The following ABCA13 variants were observed in gnomAD, a reference collection of about 807,000 sequenced individuals.
ABCA13 encodes the protein ATP-binding cassette sub-family A member 13.
A neutral mutation model predicts 478.7 loss-of-function variants in ABCA13; 476 were observed. The observed-to-expected ratio is 0.99, with a 90% CI of 0.92 to 1.07. ABCA13 has a LOEUF of 1.07. ABCA13 is among the 50% of genes least tolerant of loss of function. The pLI, the probability that ABCA13 is intolerant of heterozygous loss-of-function variation, is 0.00. For missense variants in ABCA13, 6,060 were observed against 5,910.6 expected, an observed-to-expected ratio of 1.03 and a Z score of -0.83; for synonymous variants, 2,252 against 2,158.9, an observed-to-expected ratio of 1.04 and a Z score of -1.20.
rs371603846 is a variant in ABCA13, at chr7:48,377,745, A to G, written c.11335+1173A>G. Among the ~76,000 whole-genome samples the G allele has an allele frequency of 7.2e-5, 11 of 152,368 alleles. No individual in the cohort carries two copies. The South Asian group carries it at 2.3e-3, about 32-fold the overall frequency. Reference sequence around the variant, plus strand: ...AAGAAAATAAAACTTAAGAAATAAGATTCTAGGAAATAAAGGATAAAACAA... The same window carrying G: ...AAGAAAATAAAACTTAAGAAATAAGGTTCTAGGAAATAAAGGATAAAACAA... On this transcript the variant is annotated intron_variant, in intron 35 of 61. Transcript: ENST00000435803.
chr7:48,557,735 T>C (rs187742319), intron 55 of ABCA13, among the ~76,000 whole-genome samples: 2 of 152,302 alleles, frequency 1.3e-5, no homozygotes, highest in Admixed American at 1.3e-4. Context: ...TAATCACGGT[T>C]TTTGACATTA....
At chr7:48,560,867 C>T (rs895154505) in intron 55 of ABCA13, among the ~76,000 whole-genome samples, 2 of 152,062 alleles carry the variant, frequency 1.3e-5, no homozygotes, top group African/African-American at 2.4e-5. Context: ...TTCTCTTCAC[C>T]ATTCAGTCTT....
intron 59 of ABCA13, among the ~76,000 whole-genome samples, chr7:48,631,162 T>C (rs1794130110): frequency 1.3e-5 from 2 of 152,230 alleles, no homozygotes; most frequent in South Asian, 4.1e-4. Flanking sequence ...TTCAGTTTAC[T>C]TAGGTCTCAC....
intron 27 of ABCA13, among the ~76,000 whole-genome samples, chr7:48,323,432 G>A (rs565932489): frequency 7.9e-5 from 12 of 152,332 alleles, no homozygotes; most frequent in African/African-American, 2.9e-4. Context: ...CCCTCTGCCC[G>A]CTGCCAGAGC....
intron 29 of ABCA13, among the ~76,000 whole-genome samples, chr7:48,350,264 C>T (rs1297557530): frequency 6.6e-6 from 1 of 151,862 alleles, no homozygotes; most frequent in Non-Finnish European, 1.5e-5. Context: ...TTGCTTGACT[C>T]CAGGTTGGAA....
rs146066586 is a variant in ABCA13 at position 48,451,805 on chromosome 7, G to A, written c.12566-3232G>A. Among the ~76,000 whole-genome samples the A allele has an allele frequency of 3.3e-5, 5 of 152,300 alleles. No individual in the cohort carries two copies. In the East Asian group the frequency reaches 9.6e-4, roughly 29 times the overall value. On this transcript the variant is annotated intron_variant, in intron 42 of 61. Coordinates refer to ENST00000435803, the MANE Select transcript of ABCA13 (RefSeq NM_152701.5). Reference sequence around the variant, plus strand: ...CATAGGTGTTAATGTTTGAACAATTGCAGCCAAGTGACCAAAAGAAAAATT... The same window carrying A: ...CATAGGTGTTAATGTTTGAACAATTACAGCCAAGTGACCAAAAGAAAAATT...
intron 38 of ABCA13, among the ~76,000 whole-genome samples, 154 bp from the exon 39 acceptor site, chr7:48,403,529 G>A (rs1817877557): frequency 6.6e-6 from 1 of 152,232 alleles, no homozygotes; most frequent in African/African-American, 2.4e-5. Context: ...ATGCTGCTCT[G>A]GTGAGACTCA....
chr7:48,411,761 G>A (rs1349932992), intron 40 of ABCA13, among the ~76,000 whole-genome samples: 1 of 152,136 alleles, frequency 6.6e-6, no homozygotes, highest in Non-Finnish European at 1.5e-5. Context: ...GTCAACCGGG[G>A]GCAGGAAGTG....
intron 17 of ABCA13, among the ~76,000 whole-genome samples, chr7:48,277,533 A>C (rs1796462156): frequency 6.6e-6 from 1 of 152,220 alleles, no homozygotes; most frequent in South Asian, 2.1e-4. Context: ...AGCTGGGAGA[A>C]GATGTACTTA....
intron 27 of ABCA13, among the ~76,000 whole-genome samples, chr7:48,331,584 C>T (rs1052075304): frequency 6.6e-6 from 1 of 152,100 alleles, no homozygotes; most frequent in African/African-American, 2.4e-5. Context: ...AATTTGGAGG[C>T]AGTTGTAGAT....
intron 42 of ABCA13, among the ~76,000 whole-genome samples, chr7:48,449,209 C>A (rs1368650): frequency 0.22 from 33,352 of 152,062 alleles, 4,473 homozygotes; most frequent in Middle Eastern, 0.33. Context: ...TGTTAGTAAG[C>A]ACCCACATGC....
chr7:48,259,166 A>G (rs1162376269), intron 15 of ABCA13, among the ~76,000 whole-genome samples: 1 of 151,826 alleles, frequency 6.6e-6, no homozygotes, highest in Admixed American at 6.6e-5. Context: ...TATTTTTGTT[A>G]GTTTTCTGTC....
chr7:48,482,544 AT>A lies in ABCA13; in HGVS notation c.13095-521del, dbSNP rs35417923. On this transcript the variant is annotated intron_variant, in intron 46 of 61. Coordinates refer to ENST00000435803, the MANE Select transcript of ABCA13 (RefSeq NM_152701.5). ...AGGTGCCTGCCACCATGCCCAGCTA[AT>A]TTTTTTTTTTGTATTTTTACAAAAT... Among the ~76,000 whole-genome samples, 83 of 148,226 alleles carry A rather than the reference AT, an allele frequency of 5.6e-4. 2 individuals carry two copies. The East Asian group carries it at 7.5e-3, about 13-fold the overall frequency.
At chr7:48,538,938 C>T (rs1201231317) in intron 55 of ABCA13, among the ~76,000 whole-genome samples, 3 of 152,188 alleles carry the variant, frequency 2.0e-5, no homozygotes, top group African/African-American at 4.8e-5. Flanking sequence ...GGCCTACAAA[C>T]TTTGCTGACT....
intron 37 of ABCA13, 61 bp from the exon 38 acceptor site, chr7:48,391,860 T>A (rs1816111321): frequency 1.3e-6 from 2 of 1,504,104 alleles, no homozygotes; most frequent in Non-Finnish European, 1.8e-6. Context: ...GCTGACTGGA[T>A]TGCTGACGTT....
At chr7:48,507,804 A>G in intron 49 of ABCA13, 68 bp from the exon 50 acceptor site, 1 of 1,477,522 alleles carries the variant, frequency 6.8e-7, no homozygotes, top group South Asian at 1.4e-5. Context: ...ATCATTGCTG[A>G]TTGTTATTAG....
intron 55 of ABCA13, among the ~76,000 whole-genome samples, chr7:48,540,860 T>G (rs1452651467): frequency 6.6e-6 from 1 of 152,086 alleles, no homozygotes; most frequent in Non-Finnish European, 1.5e-5. Context: ...ATCACATGCA[T>G]TTTTATTATT....
At chr7:48,241,369 T>G (rs569896495) in intron 10 of ABCA13, among the ~76,000 whole-genome samples, 1 of 152,222 alleles carries the variant, frequency 6.6e-6, no homozygotes, top group African/African-American at 2.4e-5. Context: ...ATGAATAAAT[T>G]CATTTCGGAG....
intron 3 of ABCA13, among the ~76,000 whole-genome samples, chr7:48,205,120 T>A (rs544739863): frequency 6.6e-6 from 1 of 152,374 alleles, no homozygotes; most frequent in East Asian, 1.9e-4. Context: ...TTTTTATTTT[T>A]AAATTTCTCC....
Sources: allele counts gnomAD v4.1 joint callset (sites outside exome capture counted in the v4.1 genomes callset), GRCh38; gene constraint gnomAD v4.1.1; transcripts MANE v1.5; gene names NCBI Gene and HGNC (gene_info 2026-07-23, HGNC 2026-07-21).